The following RBMS2 variants were observed in gnomAD, a reference collection of about 807,000 sequenced individuals.
RBMS2 encodes the protein RNA binding motif single stranded interacting protein 2, also known as RNA-binding motif, single-stranded-interacting protein 2.
Under a neutral mutation model 58.4 loss-of-function variants are expected in RBMS2, and 38 were observed. The ratio of observed to expected loss-of-function variants is 0.65; its 90% confidence interval spans 0.50 to 0.85. RBMS2 has a LOEUF of 0.85. RBMS2 is among the 40% of genes least tolerant of loss of function. RBMS2 has a pLI of 0.00. For synonymous variants in RBMS2, 151 were observed against 180.7 expected, an observed-to-expected ratio of 0.84 and a Z score of 1.32; for missense variants, 367 against 503.7, an observed-to-expected ratio of 0.73 and a Z score of 2.60.
At chr12:56,528,128 C>T (rs1370869464) in intron 1 of RBMS2, among the ~76,000 whole-genome samples, 2 of 151,738 alleles carry the variant, frequency 1.3e-5, no homozygotes, top group Non-Finnish European at 2.9e-5. Flanking sequence ...GTGTGCCTGT[C>T]GTTCCAGCTG....
Position 56,594,404 on chromosome 12 carries a change from G to GA in RBMS2, c.*5273dup, listed in dbSNP as rs1227819206. ...CTTGCCCCTAGGCTCTGCTAGCCCTGAATCAGCAGGCTTCAGAGACGAGGG... is the reference window on the plus strand; with the variant it reads ...CTTGCCCCTAGGCTCTGCTAGCCCTGAAATCAGCAGGCTTCAGAGACGAGGG... On this transcript the variant is annotated 3_prime_UTR_variant, in exon 14 of 14. Coordinates refer to ENST00000262031, the MANE Select transcript of RBMS2 (RefSeq NM_002898.4). 2.4e-4 allele frequency: 36 copies of GA among 152,350 alleles called. No homozygotes were observed. Among genetic ancestry groups the GA allele is most frequent in the African/African-American group, 8.7e-4 (36 of 41,582 alleles). The allele number at this position is 152,350 out of a possible 1,614,324, so 9.4% of individuals were successfully genotyped here. A position where few individuals can be genotyped will look rare whatever the true frequency, so the allele number is the denominator to read the frequency against.
intron 1 of RBMS2, among the ~76,000 whole-genome samples, chr12:56,536,944 G>A (rs947113154): frequency 2.8e-5 from 4 of 144,924 alleles, no homozygotes; most frequent in South Asian, 2.2e-4. Context: ...TTTTTGAGAC[G>A]GAGTCTTGCT....
At chr12:56,525,297 C>T (rs774442426) in intron 1 of RBMS2, among the ~76,000 whole-genome samples, 2 of 152,090 alleles carry the variant, frequency 1.3e-5, no homozygotes, top group Non-Finnish European at 2.9e-5. Flanking sequence ...TCCTGGCTCC[C>T]TGCAACCTCA....
At chr12:56,543,697 T>C (rs995197920) in intron 1 of RBMS2, among the ~76,000 whole-genome samples, 1 of 151,142 alleles carries the variant, frequency 6.6e-6, no homozygotes, top group Non-Finnish European at 1.5e-5. Context: ...AGTCTTGCCC[T>C]GTCCCCCAGG....
intron 1 of RBMS2, among the ~76,000 whole-genome samples, chr12:56,524,156 G>T (rs999621405): frequency 6.6e-6 from 1 of 152,176 alleles, no homozygotes; most frequent in African/African-American, 2.4e-5. Flanking sequence ...TAGTATAGGG[G>T]ACAAGAGGTA....
chr12:56,526,877 C>G (rs906870361), intron 1 of RBMS2, among the ~76,000 whole-genome samples: 1 of 152,086 alleles, frequency 6.6e-6, no homozygotes, highest in Non-Finnish European at 1.5e-5. Context: ...TATAATTTAA[C>G]TCCTCATAGG....
intron 4 of RBMS2, among the ~76,000 whole-genome samples, chr12:56,570,639 G>A (rs931689756): frequency 8.5e-5 from 13 of 152,092 alleles, no homozygotes; most frequent in Admixed American, 2.6e-4. Flanking sequence ...GTGCAGTGGC[G>A]CAATCTCGGC....
chr12:56,525,942 C>T (rs1443530345), intron 1 of RBMS2, among the ~76,000 whole-genome samples: 1 of 151,756 alleles, frequency 6.6e-6, no homozygotes, highest in Non-Finnish European at 1.5e-5. Context: ...GGATTACAGG[C>T]GTGAGCCACC....
intron 1 of RBMS2, among the ~76,000 whole-genome samples, chr12:56,550,924 A>T (rs1257009149): frequency 6.6e-6 from 1 of 151,938 alleles, no homozygotes; most frequent in Non-Finnish European, 1.5e-5. Context: ...GCTTGAGGCC[A>T]GGAGTTCAAG....
At chr12:56,541,107 A>C (rs1565736793) in intron 1 of RBMS2, among the ~76,000 whole-genome samples, 2 of 151,860 alleles carry the variant, frequency 1.3e-5, no homozygotes. Flanking sequence ...ACTCAAAAAA[A>C]AAAAAAAACC....
chr12:56,538,157 C>T (rs1217735434), intron 1 of RBMS2, among the ~76,000 whole-genome samples: 4 of 151,948 alleles, frequency 2.6e-5, no homozygotes, highest in South Asian at 2.1e-4. Flanking sequence ...CTCAGCCTCC[C>T]GGGTAGCTGG....
chr12:56,560,454 C>T (rs947506105), intron 1 of RBMS2, among the ~76,000 whole-genome samples: 1 of 151,612 alleles, frequency 6.6e-6, no homozygotes, highest in Non-Finnish European at 1.5e-5. Context: ...AGGGTTTCAC[C>T]TGTTGCCCAG....
chr12:56,570,946 C>A (rs10783793), intron 4 of RBMS2, among the ~76,000 whole-genome samples: 98,411 of 152,086 alleles, frequency 0.65, 35,889 homozygotes, highest in East Asian at 0.84. Flanking sequence ...TGCTAGACAC[C>A]TTTTCTGTAA....
intron 5 of RBMS2, among the ~76,000 whole-genome samples, chr12:56,577,370 C>G (rs963597423): frequency 2.0e-5 from 3 of 151,750 alleles, no homozygotes; most frequent in African/African-American, 7.3e-5. Context: ...GAGATCACAC[C>G]ACTGCACTCC....
rs543767668 is a variant in RBMS2, at chr12:56,589,497, G to C, written c.*364G>C. The C allele has an allele frequency of 5.1e-5, 12 of 233,112 alleles. No homozygotes were observed. The highest frequency in any genetic ancestry group is 9.9e-5 in the Non-Finnish European group (12 of 121,564). The allele number at this position is 233,112 out of a possible 1,614,324, so 14.4% of individuals were successfully genotyped here. On this transcript the variant is annotated 3_prime_UTR_variant, in exon 14 of 14. Transcript: ENST00000262031. ...TTCTCATCTATATGAAAAAGTTTTCGATGTATTGGAATTATTTGGGAATGC... is the reference window on the plus strand; with the variant it reads ...TTCTCATCTATATGAAAAAGTTTTCCATGTATTGGAATTATTTGGGAATGC...
At position 56,586,873 on chromosome 12, in the gene RBMS2, C is replaced by CAAGT. The variant is rs772627626; in HGVS notation, c.900_903dup (p.Pro302SerfsTer3). ...GAGAGTGACTCAGACATCTCCTCTACAAGTACCTAACCCATCCTGGATGCA... is the reference window on the plus strand; with the variant it reads ...GAGAGTGACTCAGACATCTCCTCTACAAGTAAGTACCTAACCCATCCTGGATGCA... On this transcript the variant is annotated frameshift_variant, in exon 10 of 14. Transcript: ENST00000262031. LOFTEE classifies it high-confidence loss of function. 1.2e-6 allele frequency: 2 copies of CAAGT among 1,613,840 alleles called. No homozygotes were observed. The highest frequency in any genetic ancestry group is 1.7e-6 in the Non-Finnish European group (2 of 1,179,702).
At chr12:56,585,416 G>T (rs190467833) in intron 9 of RBMS2, among the ~76,000 whole-genome samples, 14 of 152,228 alleles carry the variant, frequency 9.2e-5, no homozygotes, top group African/African-American at 3.1e-4. Context: ...CTATGGATTT[G>T]CCTATTCTGG....
At chr12:56,552,506 C>T (rs1878450633) in intron 1 of RBMS2, among the ~76,000 whole-genome samples, 2 of 152,176 alleles carry the variant, frequency 1.3e-5, no homozygotes, top group South Asian at 4.2e-4. Flanking sequence ...AGTGAGCAGC[C>T]ACACGTAAAA....
At chr12:56,537,868 A>G (rs1875223901) in intron 1 of RBMS2, among the ~76,000 whole-genome samples, 1 of 143,182 alleles carries the variant, frequency 7.0e-6, no homozygotes, top group South Asian at 2.2e-4. Context: ...TTTTTTTTAT[A>G]AGTAGCCATC....
Sources: gnomAD v4.1 joint callset for allele counts (sites outside exome capture counted in the v4.1 genomes callset) on GRCh38, gnomAD v4.1.1 for gene constraint, MANE v1.5 for transcripts, NCBI Gene and HGNC (gene_info 2026-07-23, HGNC 2026-07-21) for gene names.